Variants in SYT9 observed in about 807,000 individuals in gnomAD.
SYT9 encodes the protein synaptotagmin-9.
In SYT9, 22 loss-of-function variants were observed where a neutral mutation model predicts 48.4. The ratio of observed to expected loss-of-function variants is 0.45; its 90% confidence interval spans 0.32 to 0.65. SYT9 has a LOEUF of 0.65. Ranked by LOEUF, SYT9 falls within the 30% of genes least tolerant of loss-of-function variation. The pLI, the probability that SYT9 is intolerant of heterozygous loss-of-function variation, is 0.03. For synonymous variants in SYT9, 265 were observed against 245.0 expected, an observed-to-expected ratio of 1.08 and a Z score of -0.76; for missense variants, 577 against 622.0, an observed-to-expected ratio of 0.93 and a Z score of 0.77.
chr11:7,409,225 C>T (rs956838085), intron 3 of SYT9, among the ~76,000 whole-genome samples: 13 of 152,120 alleles, frequency 8.5e-5, no homozygotes, highest in African/African-American at 2.7e-4. Context: ...ATATGTTGAG[C>T]CATCAGTGCA....
intron 3 of SYT9, among the ~76,000 whole-genome samples, chr11:7,320,266 T>C (rs2133963176): frequency 6.6e-6 from 1 of 152,256 alleles, no homozygotes; most frequent in South Asian, 2.1e-4. Context: ...CTCAAAATGA[T>C]CATATACACT....
chr11:7,347,416 G>A (rs941062180), intron 3 of SYT9, among the ~76,000 whole-genome samples: 3 of 151,916 alleles, frequency 2.0e-5, no homozygotes, highest in African/African-American at 7.3e-5. Flanking sequence ...TGTATTTTTA[G>A]TGGAGACGGG....
chr11:7,293,249 A>T (rs189313107), intron 1 of SYT9, among the ~76,000 whole-genome samples: 3 of 152,288 alleles, frequency 2.0e-5, no homozygotes, highest in East Asian at 3.9e-4. Flanking sequence ...CATATTTCAG[A>T]TGTTCTTCCC....
intron 6 of SYT9, among the ~76,000 whole-genome samples, chr11:7,465,331 TTAAG>T (rs1848312168): frequency 6.6e-6 from 1 of 152,328 alleles, no homozygotes; most frequent in Non-Finnish European, 1.5e-5. Flanking sequence ...AATACTTTCC[TTAAG>T]TAAGTTATAG....
chr11:7,267,240 T>C (rs1323437137), intron 1 of SYT9, among the ~76,000 whole-genome samples: 3 of 151,994 alleles, frequency 2.0e-5, no homozygotes, highest in Non-Finnish European at 4.4e-5. Flanking sequence ...ACTTCACTGA[T>C]AGAATACATC....
chr11:7,255,649 G>A (rs1050961151), intron 1 of SYT9, among the ~76,000 whole-genome samples: 3 of 152,136 alleles, frequency 2.0e-5, no homozygotes, highest in Non-Finnish European at 4.4e-5. Flanking sequence ...TGTGAAAGGT[G>A]AGAGAAGGGC....
chr11:7,306,561 T>G, intron 2 of SYT9, among the ~76,000 whole-genome samples: 1 of 152,310 alleles, frequency 6.6e-6, no homozygotes, highest in African/African-American at 2.4e-5. Context: ...AGCCTCTCTC[T>G]TAGTTCCTTC....
intron 1 of SYT9, among the ~76,000 whole-genome samples, chr11:7,288,289 T>TAAAA (rs9300083): frequency 2.7e-5 from 4 of 148,830 alleles, no homozygotes; most frequent in Non-Finnish European, 6.0e-5. Context: ...TATGTATTTG[T>TAAAA]AAAAAAAAAA....
intron 1 of SYT9, chr11:7,239,016 T>G (rs561111572): frequency 4.5e-6 from 2 of 447,528 alleles, no homozygotes; most frequent in African/African-American, 4.0e-5. Flanking sequence ...GCATTGGAGC[T>G]GTCTGCTGAC....
intron 6 of SYT9, among the ~76,000 whole-genome samples, chr11:7,426,471 A>C (rs1847459917): frequency 2.0e-5 from 3 of 152,148 alleles, no homozygotes; most frequent in Admixed American, 1.3e-4. Context: ...AATTCCCTGA[A>C]ATTCTAACAA....
At chr11:7,450,749 T>C (rs1848032131) in intron 6 of SYT9, among the ~76,000 whole-genome samples, 1 of 152,170 alleles carries the variant, frequency 6.6e-6, no homozygotes, top group Non-Finnish European at 1.5e-5. Context: ...GGAATTCCAG[T>C]TTAACTTTTC....
rs35502843 is a variant in SYT9 at position 7,367,072 on chromosome 11, C to CTTTTTTTTTTTT, written c.1045-48955_1045-48944dup. Among the ~76,000 whole-genome samples, 222 of 53,266 alleles carry CTTTTTTTTTTTT rather than the reference C, an allele frequency of 4.2e-3. 25 individuals are homozygous for CTTTTTTTTTTTT. Among genetic ancestry groups the CTTTTTTTTTTTT allele is most frequent in the Non-Finnish European group, 5.9e-3 (163 of 27,680 alleles). 34.9% of individuals were successfully genotyped at this position (53,266 alleles called of 152,430 possible). A position where few individuals can be genotyped will look rare whatever the true frequency, so the allele number is the denominator to read the frequency against. On this transcript the variant is annotated intron_variant, in intron 3 of 6. Coordinates refer to ENST00000318881, the MANE Select transcript of SYT9 (RefSeq NM_175733.4). ...ATTACCCTTCTTTCCAGGAGACCAT[C>CTTTTTTTTTTTT]TTTTTTTTTTTTTTTTTTTTTTTTT...
At chr11:7,422,000 G>A (rs1847365148) in intron 6 of SYT9, among the ~76,000 whole-genome samples, 1 of 152,198 alleles carries the variant, frequency 6.6e-6, no homozygotes, top group South Asian at 2.1e-4. Flanking sequence ...CAGGAGGGCA[G>A]CAGCAGTTAT....
intron 3 of SYT9, among the ~76,000 whole-genome samples, chr11:7,403,402 T>C (rs906364010): frequency 6.6e-6 from 1 of 152,020 alleles, no homozygotes; most frequent in African/African-American, 2.4e-5. Flanking sequence ...AATTTAAAAA[T>C]ATATCCAGGC....
intron 3 of SYT9, among the ~76,000 whole-genome samples, chr11:7,385,497 G>A (rs1201560673): frequency 6.6e-6 from 1 of 151,926 alleles, no homozygotes; most frequent in Non-Finnish European, 1.5e-5. Context: ...GCCTGGCAGT[G>A]GTGTAGGAAG....
intron 3 of SYT9, among the ~76,000 whole-genome samples, chr11:7,394,901 T>G (rs1846718307): frequency 6.6e-6 from 1 of 152,162 alleles, no homozygotes; most frequent in African/African-American, 2.4e-5. Flanking sequence ...TTCAAAGAAT[T>G]TTCAAATTTC....
In SYT9 at chr11:7,289,055, G is replaced by A. The variant is rs1010242715; in HGVS notation, c.146-13984G>A. On this transcript the variant is annotated intron_variant, in intron 1 of 6. Transcript: ENST00000318881. ...CTCAGGAGAGCAAATTTCCATCTAG[G>A]GCCAGAGGATCTGGAAAATGTTAGT... is the stretch of plus-strand genomic sequence containing the variant. 2.6e-5 allele frequency among the ~76,000 whole-genome samples: 4 copies of A among 152,160 alleles called. No individual in the cohort carries two copies. In the South Asian group the frequency reaches 6.2e-4, roughly 24 times the overall value.
At chr11:7,311,727 A>G (rs538742371) in intron 2 of SYT9, among the ~76,000 whole-genome samples, 1 of 152,362 alleles carries the variant, frequency 6.6e-6, no homozygotes, top group Admixed American at 6.5e-5. Flanking sequence ...AGAGGGAAAT[A>G]GGGCTGGCAC....
chr11:7,348,070 A>T (rs1021233720), intron 3 of SYT9, among the ~76,000 whole-genome samples: 2 of 152,220 alleles, frequency 1.3e-5, no homozygotes, highest in Admixed American at 1.3e-4. Context: ...ATATTAATTC[A>T]TGCTTTCAGA....
Sources: gnomAD v4.1 joint callset for allele counts (sites outside exome capture counted in the v4.1 genomes callset) on GRCh38, gnomAD v4.1.1 for gene constraint, MANE v1.5 for transcripts, NCBI Gene and HGNC (gene_info 2026-07-23, HGNC 2026-07-21) for gene names.